The following CCDC30 variants were observed in gnomAD, a reference collection of about 807,000 sequenced individuals.
CCDC30 encodes the protein coiled-coil domain-containing protein 30.
Under a neutral mutation model 100.2 loss-of-function variants are expected in CCDC30, and 70 were observed. That is an observed-to-expected ratio of 0.70 (90% confidence interval 0.58 to 0.85). The LOEUF is 0.85. CCDC30 is among the 40% of genes least tolerant of loss of function. The pLI is 0.00. For synonymous variants in CCDC30, 233 were observed against 269.5 expected (o/e 0.86, Z 1.33); for missense variants, 652 against 771.2 (o/e 0.85, Z 1.83).
chr1:42,557,747 T>C (rs1273869558), intron 6 of CCDC30, among the ~76,000 whole-genome samples: 7 of 130,560 alleles, frequency 5.4e-5, no homozygotes, highest in Middle Eastern at 3.5e-3. Flanking sequence ...TTTTAAAATA[T>C]TAAAAGCTGA....
exon 17 of CCDC30, chr1:42,653,974 T>C: frequency 6.2e-7 from 1 of 1,614,148 alleles, no homozygotes. Flanking sequence ...TAAATGTGGC[T>C]TCTCTGAAGG....
Position 42,552,317 on chromosome 1 carries a change from T to C in CCDC30, c.457-13979T>C, listed in dbSNP as rs116357341. Among the ~76,000 whole-genome samples, 579 of 152,260 alleles carry C rather than the reference T, an allele frequency of 3.8e-3. 8 individuals are homozygous for C. Among genetic ancestry groups the C allele is most frequent in the African/African-American group, 0.013 (538 of 41,566 alleles). ...GTCAGGGAAAACTCCTTGACCGCCA[T>C]GCTCTGAATGTGGCTGTACAGGCAC... On this transcript the variant is annotated intron_variant, in intron 6 of 16. Transcript: ENST00000668663.
At chr1:42,502,426 C>T (rs539848063) in intron 6 of CCDC30, among the ~76,000 whole-genome samples, 27 of 152,328 alleles carry the variant, frequency 1.8e-4, no homozygotes, top group Admixed American at 4.6e-4. Context: ...TTGCTCTTCC[C>T]GGGTGAGAAG....
chr1:42,512,072 A>G (rs1644486960), intron 6 of CCDC30, among the ~76,000 whole-genome samples: 1 of 152,236 alleles, frequency 6.6e-6, no homozygotes, highest in African/African-American at 2.4e-5. Context: ...GGATGGGCCG[A>G]AATAAAGGGA....
upstream of CCDC30, chr1:42,460,119 A>G: frequency 7.4e-7 from 1 of 1,348,778 alleles, no homozygotes; most frequent in Non-Finnish European, 9.5e-7. Context: ...TTTGAAATTG[A>G]ACACTAGAAC....
At chr1:42,564,173 T>G (rs920429906) in intron 6 of CCDC30, among the ~76,000 whole-genome samples, 2 of 152,180 alleles carry the variant, frequency 1.3e-5, no homozygotes, top group African/African-American at 4.8e-5. Flanking sequence ...TTGTATAAGA[T>G]TGAATTCTTT....
At chr1:42,629,605 C>A (rs1646996113) in intron 11 of CCDC30, among the ~76,000 whole-genome samples, 1 of 151,880 alleles carries the variant, frequency 6.6e-6, no homozygotes, top group Non-Finnish European at 1.5e-5. Context: ...CTTGAATAAA[C>A]TTCCTACTCC....
chr1:42,535,224 G>T (rs990384300), intron 6 of CCDC30, among the ~76,000 whole-genome samples: 1 of 152,114 alleles, frequency 6.6e-6, no homozygotes, highest in African/African-American at 2.4e-5. Flanking sequence ...TATAAGGATG[G>T]TTTAAAGGTA....
intron 7 of CCDC30, among the ~76,000 whole-genome samples, chr1:42,570,364 C>A (rs1457574742): frequency 6.6e-6 from 1 of 151,588 alleles, no homozygotes; most frequent in Non-Finnish European, 1.5e-5. Flanking sequence ...ATCACTTTTT[C>A]TTTAAAAAAA....
At chr1:42,535,145 T>C (rs1002441134) in intron 6 of CCDC30, among the ~76,000 whole-genome samples, 2 of 152,158 alleles carry the variant, frequency 1.3e-5, no homozygotes, top group Non-Finnish European at 2.9e-5. Context: ...CAGAAAACCT[T>C]GCCAGGAGTA....
intron 10 of CCDC30, among the ~76,000 whole-genome samples, chr1:42,600,237 A>G (rs1205820208): frequency 1.3e-5 from 2 of 152,196 alleles, no homozygotes; most frequent in Non-Finnish European, 2.9e-5. Flanking sequence ...TCAATTCTCC[A>G]AGAAGAAAAA....
At chr1:42,621,768 C>T (rs1394468313) in intron 11 of CCDC30, among the ~76,000 whole-genome samples, 1 of 152,028 alleles carries the variant, frequency 6.6e-6, no homozygotes, top group Non-Finnish European at 1.5e-5. Flanking sequence ...GCCTCGGCCT[C>T]CCAAAGTGCC....
chr1:42,505,594 A>G (rs557631719), intron 6 of CCDC30, among the ~76,000 whole-genome samples: 1 of 152,364 alleles, frequency 6.6e-6, no homozygotes, highest in South Asian at 2.1e-4. Context: ...ATAAAGTGCA[A>G]CAAGAATAAT....
intron 10 of CCDC30, among the ~76,000 whole-genome samples, chr1:42,597,250 AAAT>A (rs747642092): frequency 1.5e-4 from 23 of 152,226 alleles, no homozygotes; most frequent in Non-Finnish European, 2.8e-4. Context: ...GACATATTTG[AAAT>A]AATAATCATG....
chr1:42,545,162 TAAAAAA>T (rs57060353), intron 6 of CCDC30, among the ~76,000 whole-genome samples: 24 of 64,676 alleles, frequency 3.7e-4, no homozygotes, highest in Non-Finnish European at 7.5e-4. Flanking sequence ...AAAATACCTT[TAAAAAA>T]AAAAAAAAAA....
chr1:42,508,759 C>T (rs569693497), intron 6 of CCDC30, among the ~76,000 whole-genome samples: 68 of 152,028 alleles, frequency 4.5e-4, no homozygotes, highest in African/African-American at 1.3e-3. Context: ...ATCTTAGGGC[C>T]TCTTATGTGT....
chr1:42,460,961 GA>G (rs1643394939), upstream of CCDC30, among the ~76,000 whole-genome samples: 1 of 152,164 alleles, frequency 6.6e-6, no homozygotes, highest in African/African-American at 2.4e-5. Context: ...GAGAATCTTT[GA>G]AAAACTTTCA....
chr1:42,647,879 G>C (rs185153392), intron 15 of CCDC30, among the ~76,000 whole-genome samples: 1 of 152,222 alleles, frequency 6.6e-6, no homozygotes, highest in African/African-American at 2.4e-5. Context: ...GAAACAAATG[G>C]AAATGGGAAT....
In CCDC30 at chr1:42,539,164, C is replaced by G. The variant is rs767044188; in HGVS notation, c.457-27132C>G. 1 of 1,557,448 alleles carries G rather than the reference C, an allele frequency of 6.4e-7. No individual in the cohort carries two copies. Among genetic ancestry groups the G allele is most frequent in the South Asian group, 1.2e-5 (1 of 80,688 alleles). On this transcript the variant is annotated intron_variant, in intron 6 of 16. Coordinates refer to ENST00000668663, the Ensembl canonical transcript of CCDC30. ...TTTATTCTACTAAATGTCTTCATTT[C>G]TTAATCAGGAATTGCAAAAATCAAA...
Sources: gnomAD v4.1 joint callset for allele counts (sites outside exome capture counted in the v4.1 genomes callset) on GRCh38, gnomAD v4.1.1 for gene constraint, MANE v1.5 for transcripts, NCBI Gene and HGNC (gene_info 2026-07-23, HGNC 2026-07-21) for gene names.